The following KHDRBS2 variants were observed in gnomAD, a reference collection of about 807,000 sequenced individuals.
The protein encoded by KHDRBS2 is KH domain-containing, RNA-binding, signal transduction-associated protein 2.
In KHDRBS2, 26 loss-of-function variants were observed where a neutral mutation model predicts 44.3. That is an observed-to-expected ratio of 0.59 (90% CI 0.43 to 0.81). The LOEUF (loss-of-function observed/expected upper bound fraction) is 0.81, where lower values mean the gene tolerates loss of function less well. Among genes scored for constraint, KHDRBS2 ranks in the 40% least tolerant of loss-of-function variants. The pLI is 0.00. For missense variants in KHDRBS2, 476 were observed against 433.1 expected (o/e 1.10, Z -0.88); for synonymous variants, 194 against 151.1 (o/e 1.28, Z -2.08).
intron 3 of KHDRBS2, among the ~76,000 whole-genome samples, chr6:62,003,972 C>A (rs774634698): frequency 3.6e-4 from 55 of 152,164 alleles, no homozygotes; most frequent in Non-Finnish European, 6.6e-4. Flanking sequence ...AAAGACACAA[C>A]GTACCAGAAT....
intron 1 of KHDRBS2, among the ~76,000 whole-genome samples, chr6:62,227,097 A>G (rs1364198311): frequency 6.6e-6 from 1 of 152,176 alleles, no homozygotes; most frequent in Non-Finnish European, 1.5e-5. Context: ...CACTGAATTT[A>G]TAAATTACTT....
rs186003743 is a variant in KHDRBS2, at chr6:62,216,892, C to G, written c.92-39580G>C. 4.7e-3 allele frequency among the ~76,000 whole-genome samples: 713 copies of G among 151,126 alleles called. 11 individuals carry two copies. The highest frequency in any genetic ancestry group is 0.016 in the African/African-American group (677 of 41,334). ...TTTTAGGCTTCTGGGAAGCCAAATA[C>G]TATTATTAAAATCAGGGACTCAACA... is the stretch of plus-strand genomic sequence containing the variant. On this transcript the variant is annotated intron_variant, in intron 1 of 8. Transcript: ENST00000281156.
Position 62,161,452 on chromosome 6 carries a change from G to T in KHDRBS2, c.219+15733C>A, listed in dbSNP as rs59482638. ...TAGATATTATAAATTATATACATGGGATAAGTTATTATGAGTAACCTAGAT... is the reference window on the plus strand; with the variant it reads ...TAGATATTATAAATTATATACATGGTATAAGTTATTATGAGTAACCTAGAT... On this transcript the variant is annotated intron_variant, in intron 2 of 8. Transcript: ENST00000281156. Among the ~76,000 whole-genome samples, 526 of 150,292 alleles carry T rather than the reference G, an allele frequency of 3.5e-3. 1 individual carries two copies. The highest frequency in any genetic ancestry group is 0.012 in the African/African-American group (510 of 40,944).
At chr6:62,045,032 TGGACATAAATTTGA>T (rs1463150383) in intron 3 of KHDRBS2, among the ~76,000 whole-genome samples, 1 of 151,958 alleles carries the variant, frequency 6.6e-6, no homozygotes, top group Non-Finnish European at 1.5e-5. Context: ...GACTGGAAGC[TGGACATAAATTTGA>T]GGTTCAGAGC....
chr6:61,753,030 T>C (rs1245194856), intron 6 of KHDRBS2, among the ~76,000 whole-genome samples: 1 of 152,156 alleles, frequency 6.6e-6, no homozygotes, highest in Non-Finnish European at 1.5e-5. Flanking sequence ...TTCATAAGCA[T>C]TTTATTCCTC....
chr6:61,785,883 AT>A (rs981425461), intron 6 of KHDRBS2, among the ~76,000 whole-genome samples: 4 of 151,872 alleles, frequency 2.6e-5, no homozygotes, highest in African/African-American at 9.7e-5. Flanking sequence ...AACTATGCTT[AT>A]TTTTTTTCTT....
At chr6:61,560,482 C>T in the KHDRBS2 span, among the ~76,000 whole-genome samples, 3 of 151,670 alleles carry the variant, frequency 2.0e-5, no homozygotes, top group South Asian at 2.1e-4. Context: ...TGTAGGCATG[C>T]TTCATTCTTT....
At chr6:61,682,303 T>C (rs1232153092) in intron 8 of KHDRBS2, among the ~76,000 whole-genome samples, 2 of 151,908 alleles carry the variant, frequency 1.3e-5, no homozygotes, top group Admixed American at 6.6e-5. Flanking sequence ...TATTAGTTTT[T>C]TGAGAATATT....
At chr6:61,861,194 C>T (rs1796906754) in intron 6 of KHDRBS2, among the ~76,000 whole-genome samples, 1 of 152,088 alleles carries the variant, frequency 6.6e-6, no homozygotes, top group Non-Finnish European at 1.5e-5. Flanking sequence ...GCTTCTTTTG[C>T]TGTGCAGAAG....
intron 4 of KHDRBS2, among the ~76,000 whole-genome samples, chr6:61,975,265 A>G (rs1179666885): frequency 1.3e-5 from 2 of 152,172 alleles, no homozygotes; most frequent in African/African-American, 4.8e-5. Flanking sequence ...CTTTCGCAGA[A>G]GAACAAGATG....
chr6:62,171,245 A>G (rs1167648463), intron 2 of KHDRBS2, among the ~76,000 whole-genome samples: 1 of 152,228 alleles, frequency 6.6e-6, no homozygotes, highest in East Asian at 1.9e-4. Flanking sequence ...GAACCAAGTA[A>G]TCTGATAGAG....
intron 3 of KHDRBS2, among the ~76,000 whole-genome samples, chr6:62,022,451 G>C (rs916607709): frequency 6.6e-6 from 1 of 151,646 alleles, no homozygotes; most frequent in African/African-American, 2.4e-5. Context: ...CAATTTCTCA[G>C]TAACCACAGG....
chr6:61,555,211 AT>A, the KHDRBS2 span, among the ~76,000 whole-genome samples: 2,661 of 151,852 alleles, frequency 0.018, 32 homozygotes, highest in Middle Eastern at 0.041. Context: ...CAACTTTATT[AT>A]TTTTTTTCTT....
intron 2 of KHDRBS2, among the ~76,000 whole-genome samples, chr6:62,099,637 A>T (rs1260093242): frequency 6.6e-6 from 1 of 152,164 alleles, no homozygotes; most frequent in Non-Finnish European, 1.5e-5. Flanking sequence ...ACTGGGCTCC[A>T]AGGTAACATC....
In KHDRBS2 at chr6:61,945,110, A is replaced by ATGT. The variant is rs1414544846; in HGVS notation, c.483+32955_483+32956insACA. On this transcript the variant is annotated intron_variant, in intron 4 of 8. Coordinates refer to ENST00000281156, the MANE Select transcript of KHDRBS2 (RefSeq NM_152688.4). ...TGTCTTAAAAAAAAAAAAAAAAAAA[A>ATGT]AAGTATATATATATATATATATATA... Among the ~76,000 whole-genome samples, 149 of 46,266 alleles carry ATGT rather than the reference A, an allele frequency of 3.2e-3. 21 individuals carry two copies. Among genetic ancestry groups the ATGT allele is most frequent in the African/African-American group, 0.015 (137 of 8,878 alleles). 30.4% of individuals were successfully genotyped at this position (46,266 alleles called of 152,430 possible).
intron 2 of KHDRBS2, among the ~76,000 whole-genome samples, chr6:62,173,252 A>T (rs1310127465): frequency 6.6e-6 from 1 of 152,004 alleles, no homozygotes; most frequent in African/African-American, 2.4e-5. Context: ...AGGGGACGTT[A>T]CCACTTTAGG....
intron 6 of KHDRBS2, among the ~76,000 whole-genome samples, chr6:61,749,116 C>T (rs12180504): frequency 0.055 from 8,287 of 149,672 alleles, 374 homozygotes; most frequent in African/African-American, 0.11. Context: ...AGGTTCACAC[C>T]ATTGTCCTGC....
chr6:61,960,435 G>A (rs1359550175), intron 4 of KHDRBS2, among the ~76,000 whole-genome samples: 1 of 152,056 alleles, frequency 6.6e-6, no homozygotes, highest in African/African-American at 2.4e-5. Context: ...TCTAATTGGT[G>A]CAGGGGGAAT....
intron 2 of KHDRBS2, among the ~76,000 whole-genome samples, chr6:62,174,057 A>G (rs1820612215): frequency 1.3e-5 from 2 of 151,930 alleles, no homozygotes; most frequent in South Asian, 4.1e-4. Context: ...AACTCTGGCC[A>G]GGGAAATCAG....
Sources: gnomAD v4.1 joint callset for allele counts (sites outside exome capture counted in the v4.1 genomes callset) on GRCh38, gnomAD v4.1.1 for gene constraint, MANE v1.5 for transcripts, NCBI Gene and HGNC (gene_info 2026-07-23, HGNC 2026-07-21) for gene names.